MTCL2: variants seen among roughly 807,000 people sequenced by gnomAD.
MTCL2 encodes the protein microtubule crosslinking factor 2, also known as microtubule cross-linking factor 2.
At chr20:36,820,934 G>A in the MTCL2 span, among the ~76,000 whole-genome samples, 2 of 152,222 alleles carry the variant, frequency 1.3e-5, no homozygotes, top group African/African-American at 4.8e-5. Flanking sequence ...TGCTGATGCT[G>A]GGTCAGGCTG....
chr20:36,793,485 GGAA>G, the MTCL2 span: 1 of 1,551,668 alleles, frequency 6.4e-7, no homozygotes, highest in Non-Finnish European at 8.7e-7. This position sits in a 1 kb window ranked among gnomAD's most constrained non-coding sequence, Gnocchi z 6.8. Context: ...CACACATTAC[GGAA>G]GAATTCCTGC....
At chr20:36,812,990 T>A in the MTCL2 span, 1 of 971,828 alleles carries the variant, frequency 1.0e-6, no homozygotes, top group Non-Finnish European at 1.5e-6. Flanking sequence ...TAGATTCACC[T>A]CTGCAACCCA....
the MTCL2 span, among the ~76,000 whole-genome samples, chr20:36,823,534 C>G: frequency 6.6e-6 from 1 of 152,086 alleles, no homozygotes; most frequent in East Asian, 1.9e-4. Context: ...AGGCTGGGTA[C>G]GATGGCTCAT....
the MTCL2 span, chr20:36,817,319 C>A: frequency 4.5e-6 from 5 of 1,106,788 alleles, no homozygotes; most frequent in Admixed American, 2.8e-5. Context: ...AAGGGGAGGA[C>A]AGGGCAGAAT....
chr20:36,777,720 G>C, the MTCL2 span: 1 of 531,770 alleles, frequency 1.9e-6, no homozygotes, highest in Non-Finnish European at 3.4e-6. Context: ...GGGTCCCCCA[G>C]GGCCCATGAC....
At chr20:36,828,735 C>T in the MTCL2 span, 2 of 286,422 alleles carry the variant, frequency 7.0e-6, no homozygotes, top group Non-Finnish European at 1.3e-5. Flanking sequence ...GACATTGTTG[C>T]ATGTTTTCTC....
At chr20:36,852,109 C>A in the MTCL2 span, among the ~76,000 whole-genome samples, 2 of 152,182 alleles carry the variant, frequency 1.3e-5, no homozygotes, top group South Asian at 4.1e-4. Flanking sequence ...GGCAGACCAA[C>A]CCAGAAGAAT....
chr20:36,796,981 A>C, the MTCL2 span: 1 of 1,608,790 alleles, frequency 6.2e-7, no homozygotes, highest in Non-Finnish European at 8.5e-7. Context: ...AGGAAGGGTC[A>C]GTTCTGGCCA....
At chr20:36,851,856 C>G in the MTCL2 span, among the ~76,000 whole-genome samples, 11 of 152,144 alleles carry the variant, frequency 7.2e-5, no homozygotes, top group African/African-American at 2.7e-4. Context: ...CACAGGCCCT[C>G]AGAGGGGAGG....
At chr20:36,851,240 ATAG>A in the MTCL2 span, among the ~76,000 whole-genome samples, 610 of 152,296 alleles carry the variant, frequency 4.0e-3, 1 homozygote, top group African/African-American at 0.014. Context: ...TATATTGTAT[ATAG>A]TTGTACAGTA....
At chr20:36,810,717 C>CCTCTCCCTCTCTCTCT in the MTCL2 span, among the ~76,000 whole-genome samples, 14 of 94,268 alleles carry the variant, frequency 1.5e-4, no homozygotes, top group East Asian at 1.9e-3. Flanking sequence ...TCTCTCTCTC[C>CCTCTCCCTCTCTCTCT]CTCTCTCTCT....
chr20:36,796,965 A>G, the MTCL2 span: 2 of 1,613,736 alleles, frequency 1.2e-6, no homozygotes, highest in Non-Finnish European at 1.7e-6. Flanking sequence ...GTCAAGGAAG[A>G]GAGACAGGAA....
the MTCL2 span, chr20:36,805,754 T>A: frequency 9.3e-7 from 1 of 1,072,636 alleles, no homozygotes; most frequent in Non-Finnish European, 1.3e-6. Flanking sequence ...GCAACTTCAA[T>A]GTCCAGGAAT....
At chr20:36,815,639 G>T in the MTCL2 span, 9 of 1,606,332 alleles carry the variant, frequency 5.6e-6, no homozygotes, top group East Asian at 1.6e-4. The surrounding 1 kb of genome is among the most constrained non-coding windows in gnomAD (Gnocchi z 5.3). Context: ...CACAGCGCTG[G>T]AGGTTGGAGA....
At chr20:36,837,664 G>A in the MTCL2 span, among the ~76,000 whole-genome samples, 2 of 151,140 alleles carry the variant, frequency 1.3e-5, no homozygotes, top group Non-Finnish European at 2.9e-5. Flanking sequence ...TGCAACCTCC[G>A]CCTCCCGGGT....
At chr20:36,851,516 T>C in the MTCL2 span, among the ~76,000 whole-genome samples, 2 of 152,152 alleles carry the variant, frequency 1.3e-5, no homozygotes, top group Admixed American at 1.3e-4. Context: ...CTGTCCCACC[T>C]CAAAGCCTTT....
At chr20:36,807,102 G>A in the MTCL2 span, among the ~76,000 whole-genome samples, 3 of 152,192 alleles carry the variant, frequency 2.0e-5, no homozygotes, top group Non-Finnish European at 2.9e-5. Context: ...TGCTCCCAGG[G>A]GCGGCCCTGT....
the MTCL2 span, among the ~76,000 whole-genome samples, chr20:36,862,268 CGGT>C: frequency 6.6e-6 from 1 of 152,176 alleles, no homozygotes; most frequent in Non-Finnish European, 1.5e-5. Context: ...TCCCTGGCGG[CGGT>C]GTCTATCAAT....
the MTCL2 span, among the ~76,000 whole-genome samples, chr20:36,831,479 G>A: frequency 2.6e-5 from 4 of 152,198 alleles, no homozygotes; most frequent in African/African-American, 9.6e-5. Context: ...TGACTGTTGT[G>A]CCTCCTCCTT....
Sources: gnomAD v4.1 joint callset for allele counts (sites outside exome capture counted in the v4.1 genomes callset) on GRCh38, gnomAD v4.1.1 for gene constraint, Gnocchi (gnomAD v3.1) non-coding constraint, MANE v1.5 for transcripts, NCBI Gene and HGNC (gene_info 2026-07-23, HGNC 2026-07-21) for gene names.